The following BAIAP2L1 variants were observed in gnomAD, a reference collection of about 807,000 sequenced individuals.
BAIAP2L1 encodes BAR/IMD domain containing adaptor protein 2 like 1.
A neutral mutation model predicts 66.3 loss-of-function variants in BAIAP2L1; 35 were observed. The observed-to-expected ratio is 0.53, with a 90% CI of 0.40 to 0.70. The LOEUF is 0.70. Ranked by LOEUF, BAIAP2L1 falls within the 30% of genes least tolerant of loss-of-function variation. The probability of loss-of-function intolerance (pLI) is 0.00; values close to 1 mark genes in which losing one functional copy is unlikely to be tolerated. For synonymous variants in BAIAP2L1, 269 were observed against 248.7 expected, an observed-to-expected ratio of 1.08 and a Z score of -0.77; for missense variants, 622 against 656.9, an observed-to-expected ratio of 0.95 and a Z score of 0.58.
intron 3 of BAIAP2L1, among the ~76,000 whole-genome samples, chr7:98,353,585 ATATT>A (rs1369300463): frequency 1.5e-5 from 2 of 137,916 alleles, no homozygotes; most frequent in Non-Finnish European, 3.0e-5. Flanking sequence ...AAATACATAT[ATATT>A]TATATATGTA....
At chr7:98,339,608 G>C (rs943988355) in intron 3 of BAIAP2L1, among the ~76,000 whole-genome samples, 1 of 152,180 alleles carries the variant, frequency 6.6e-6, no homozygotes, top group Non-Finnish European at 1.5e-5. Context: ...GGCCTCACTC[G>C]CTTCATGATT....
intron 12 of BAIAP2L1, among the ~76,000 whole-genome samples, chr7:98,296,157 A>T (rs1033544905): frequency 2.0e-5 from 3 of 152,234 alleles, no homozygotes; most frequent in Admixed American, 6.5e-5. Context: ...CCAGACAGCC[A>T]TCTCTGTGCC....
intron 7 of BAIAP2L1, among the ~76,000 whole-genome samples, chr7:98,313,792 C>CTCTTTT (rs1179300343): frequency 1.5e-5 from 2 of 132,944 alleles, no homozygotes; most frequent in African/African-American, 5.5e-5. Flanking sequence ...CTAATTAAAA[C>CTCTTTT]TTTTTTTTTT....
At chr7:98,398,613 G>A (rs761546085) in intron 1 of BAIAP2L1, among the ~76,000 whole-genome samples, 1 of 152,268 alleles carries the variant, frequency 6.6e-6, no homozygotes, top group South Asian at 2.1e-4. Flanking sequence ...TCCATTTACA[G>A]TGCCTTACGT....
rs201244010 is a variant in BAIAP2L1, at chr7:98,378,225, A to AAC, written c.52-15795_52-15794dup. ...CTATTTCTCATCAGCATTAAAAAAT[A>AAC]ACACGACTGGAAATAGCTAAGCATG... On this transcript the variant is annotated intron_variant, in intron 1 of 13. Transcript: ENST00000005260. 1.1e-3 allele frequency among the ~76,000 whole-genome samples: 57 copies of AAC among 51,956 alleles called. 1 individual carries two copies. In the East Asian group the frequency reaches 0.025, roughly 23 times the overall value. 34.1% of individuals were successfully genotyped at this position (51,956 alleles called of 152,430 possible).
At chr7:98,362,467 T>A in intron 1 of BAIAP2L1, 35 bp from the exon 2 acceptor site, 2 of 1,567,206 alleles carry the variant, frequency 1.3e-6, no homozygotes, top group Non-Finnish European at 1.7e-6. Flanking sequence ...ATTAATAAAA[T>A]AAAAAATAAA....
chr7:98,338,283 G>A (rs1312929899), intron 3 of BAIAP2L1, among the ~76,000 whole-genome samples: 6 of 152,044 alleles, frequency 3.9e-5, no homozygotes, highest in South Asian at 2.1e-4. Flanking sequence ...TTAGCCGGGC[G>A]CGGTGGCGGG....
intron 1 of BAIAP2L1, among the ~76,000 whole-genome samples, chr7:98,384,149 C>T (rs1476433835): frequency 5.0e-5 from 7 of 139,078 alleles, no homozygotes; most frequent in African/African-American, 1.8e-4. Context: ...AGTGAAACTC[C>T]GTCTCAGAAA....
At chr7:98,296,663 G>T (rs564184483) in intron 12 of BAIAP2L1, among the ~76,000 whole-genome samples, 1 of 152,122 alleles carries the variant, frequency 6.6e-6, no homozygotes, top group African/African-American at 2.4e-5. Context: ...AACAAAAACA[G>T]AAACAACAAA....
At chr7:98,353,402 TAATA>T (rs978055970) in intron 3 of BAIAP2L1, among the ~76,000 whole-genome samples, 4 of 135,948 alleles carry the variant, frequency 2.9e-5, no homozygotes, top group African/African-American at 8.4e-5. Context: ...TAAATATACA[TAATA>T]TATATATTAT....
At chr7:98,334,490 A>G (rs1015239079) in intron 3 of BAIAP2L1, among the ~76,000 whole-genome samples, 2 of 152,186 alleles carry the variant, frequency 1.3e-5, no homozygotes, top group African/African-American at 4.8e-5. Context: ...ATTTGAAACA[A>G]GAACATACAA....
At chr7:98,295,049 C>T (rs548530698) in intron 12 of BAIAP2L1, among the ~76,000 whole-genome samples, 13 of 152,364 alleles carry the variant, frequency 8.5e-5, no homozygotes, top group Admixed American at 2.6e-4. Flanking sequence ...CCGGCCACAC[C>T]GTCCTGACAG....
chr7:98,307,336 C>A, intron 10 of BAIAP2L1: 1 of 1,022,178 alleles, frequency 9.8e-7, no homozygotes, highest in Non-Finnish European at 1.2e-6. Flanking sequence ...GAACTCCTAA[C>A]CTCAGGTGAT....
chr7:98,390,725 C>CT (rs1426077843), intron 1 of BAIAP2L1, among the ~76,000 whole-genome samples: 1 of 136,046 alleles, frequency 7.4e-6, no homozygotes, highest in Non-Finnish European at 1.7e-5. Flanking sequence ...GAGCAAGACT[C>CT]TGTCTCAAAA....
At chr7:98,385,831 G>A (rs918743292) in intron 1 of BAIAP2L1, 66 of 1,531,264 alleles carry the variant, frequency 4.3e-5, no homozygotes, top group Non-Finnish European at 5.7e-5. Flanking sequence ...ATATCCATCA[G>A]CTCGTTCAAC....
At chr7:98,357,673 A>C (rs1457277109) in intron 2 of BAIAP2L1, among the ~76,000 whole-genome samples, 2 of 151,986 alleles carry the variant, frequency 1.3e-5, no homozygotes, top group African/African-American at 2.4e-5. Context: ...CTACTGCACT[A>C]TTATAAGACT....
chr7:98,342,995 ATTTAAC>A, intron 3 of BAIAP2L1, among the ~76,000 whole-genome samples: 1 of 151,838 alleles, frequency 6.6e-6, no homozygotes, highest in South Asian at 2.1e-4. Flanking sequence ...GTGATAAAGG[ATTTAAC>A]TTTATCACAC....
intron 3 of BAIAP2L1, among the ~76,000 whole-genome samples, chr7:98,335,640 T>A (rs1022025360): frequency 6.6e-6 from 1 of 152,196 alleles, no homozygotes; most frequent in African/African-American, 2.4e-5. Context: ...TCTAAGCTCA[T>A]CCTTAACTAT....
chr7:98,342,041 A>ATTTTT (rs142061599), intron 3 of BAIAP2L1, among the ~76,000 whole-genome samples: 1 of 95,070 alleles, frequency 1.1e-5, no homozygotes, highest in Non-Finnish European at 2.0e-5. Context: ...TTTTTTTCTG[A>ATTTTT]TTTTTTTTTT....
Sources: allele counts gnomAD v4.1 joint callset (sites outside exome capture counted in the v4.1 genomes callset), GRCh38; gene constraint gnomAD v4.1.1; transcripts MANE v1.5; gene names NCBI Gene and HGNC (gene_info 2026-07-23, HGNC 2026-07-21).